The following DOCK6 variants were observed in gnomAD, a reference collection of about 807,000 sequenced individuals.
DOCK6 encodes the protein dedicator of cytokinesis 6.
In DOCK6, 167 loss-of-function variants were observed where a neutral mutation model predicts 230.3. The observed-to-expected ratio is 0.73, with a 90% CI of 0.64 to 0.82. DOCK6 has a LOEUF of 0.82. DOCK6 is among the 40% of genes least tolerant of loss of function. DOCK6 has a pLI of 0.00. For synonymous variants in DOCK6, 1,148 were observed against 1,185.0 expected, an observed-to-expected ratio of 0.97 and a Z score of 0.64; for missense variants, 2,598 against 2,825.8, an observed-to-expected ratio of 0.92 and a Z score of 1.83.
chr19:11,223,574 CTG>C (rs1483082957), intron 24 of DOCK6, among the ~76,000 whole-genome samples: 1 of 152,186 alleles, frequency 6.6e-6, no homozygotes, highest in Non-Finnish European at 1.5e-5. Flanking sequence ...TCACTTGTGA[CTG>C]TGTTGAAGCG....
At chr19:11,215,702 CAGAA>C in intron 31 of DOCK6, 95 bp downstream of exon 31, 1 of 1,580,844 alleles carries the variant, frequency 6.3e-7, no homozygotes, top group Non-Finnish European at 8.7e-7. Flanking sequence ...AAAAGTGAGG[CAGAA>C]AGTAAGCTAG....
chr19:11,230,444 T>C (rs561680372), intron 22 of DOCK6, among the ~76,000 whole-genome samples: 9 of 152,056 alleles, frequency 5.9e-5, no homozygotes, highest in African/African-American at 1.7e-4. Flanking sequence ...GGAGTGTGGA[T>C]GGAGTGGGAC....
At position 11,235,726 on chromosome 19, in the gene DOCK6, G is replaced by A. The variant is rs1274449695; in HGVS notation, c.2426C>T (p.Ala809Val). The A allele has an allele frequency of 3.1e-6, 5 of 1,598,434 alleles. No homozygotes were observed. ...NLGRGAFEAM[A>V]HVVSLVHRSL... is the part of the protein sequence containing the mutation. ...CCGGTGAACAAGGCTGACTACATGG[G>A]CCATTGCTTCAAAGGCTCCACGGCC... is the stretch of plus-strand genomic sequence containing the variant. The change falls in exon 21 of 48, where the codon GCC becomes GTC. Residue 809 changes from alanine to valine, a missense_variant. By Grantham distance (64) the Ala-to-Val change is moderately conservative. Coordinates refer to ENST00000294618, the MANE Select transcript of DOCK6 (RefSeq NM_020812.4).
intron 7 of DOCK6, among the ~76,000 whole-genome samples, chr19:11,246,539 C>T (rs1192546177): frequency 6.6e-6 from 1 of 152,158 alleles, no homozygotes; most frequent in Non-Finnish European, 1.5e-5. Context: ...GGTGGGATTA[C>T]AGGCGTGAGC....
chr19:11,254,385 G>C (rs1226410956), intron 1 of DOCK6, among the ~76,000 whole-genome samples: 1 of 152,196 alleles, frequency 6.6e-6, no homozygotes. Flanking sequence ...ACCTGGATCT[G>C]AGCAGGCCTT....
At position 11,202,218 on chromosome 19, in the gene DOCK6, T is replaced by C; in HGVS notation, c.5452-93A>G. 7.0e-7 allele frequency: 1 copy of C among 1,438,422 alleles called. No individual in the cohort carries two copies. The highest frequency in any genetic ancestry group is 9.6e-7 in the Non-Finnish European group (1 of 1,043,068). The allele number at this position is 1,438,422 out of a possible 1,614,324, so 89.1% of individuals were successfully genotyped here. On this transcript the variant is annotated intron_variant, in intron 43 of 47. Transcript: ENST00000294618. This position sits in a 1 kb window ranked among gnomAD's most constrained non-coding sequence, Gnocchi z 5.3. ...GAGAGGGGATCTGGGGACTTTGTCATTTCCAAGTCTTCCTATGTCTGGATG... is the reference window on the plus strand; with the variant it reads ...GAGAGGGGATCTGGGGACTTTGTCACTTCCAAGTCTTCCTATGTCTGGATG...
chr19:11,242,610 T>TCAAACTCC (rs1483430642), intron 13 of DOCK6, among the ~76,000 whole-genome samples: 2 of 152,002 alleles, frequency 1.3e-5, no homozygotes, highest in African/African-American at 4.8e-5. Context: ...CAGGCTGGTC[T>TCAAACTCC]CAAACTCCTG....
In DOCK6 at chr19:11,238,002, C is replaced by A. The variant is rs190273098; in HGVS notation, c.1832+43G>T. ...GTATATATAAGGGACATCCTCCTAC[C>A]CCCATGAGTGCCCCCAAGTTCCTCA... is the stretch of plus-strand genomic sequence containing the variant. On this transcript the variant is annotated intron_variant, in intron 16 of 47. Transcript: ENST00000294618. The A allele has an allele frequency of 8.7e-6, 14 of 1,606,478 alleles. No individual in the cohort carries two copies. The East Asian group carries it at 2.9e-4, about 33-fold the overall frequency.
chr19:11,200,362 G>A lies in DOCK6; in HGVS notation c.6047C>T (p.Pro2016Leu), dbSNP rs545841854. The change falls in exon 47 of 48, where the codon CCC becomes CTC. Residue 2016 changes from proline to leucine, a missense_variant. By Grantham distance (98) the Pro-to-Leu change is moderately conservative. Coordinates refer to ENST00000294618, the MANE Select transcript of DOCK6 (RefSeq NM_020812.4). The surrounding 1 kb of genome is among the most constrained non-coding windows in gnomAD (Gnocchi z 4.3). Reference sequence around the variant, plus strand: ...CTGGGGCAGGCGCTGGGTAAGCAGGGGCTGCAGAGCCTCCCGCAGGCGGCA... The same window carrying A: ...CTGGGGCAGGCGCTGGGTAAGCAGGAGCTGCAGAGCCTCCCGCAGGCGGCA... ...NYCRLREALQ[P>L]LLTQRLPQLM... 7 of 1,588,480 alleles carry A rather than the reference G, an allele frequency of 4.4e-6. No homozygotes were observed. Among genetic ancestry groups the A allele is most frequent in the Admixed American group, 3.6e-5 (2 of 56,210 alleles).
At chr19:11,227,309 TC>T in intron 24 of DOCK6, 27 bp downstream of exon 24, 3 of 1,608,060 alleles carry the variant, frequency 1.9e-6, no homozygotes, top group Non-Finnish European at 2.6e-6. Flanking sequence ...TCAGGTTTCT[TC>T]CCACATTGAG....
intron 1 of DOCK6, among the ~76,000 whole-genome samples, chr19:11,258,731 C>T (rs916986680): frequency 6.7e-6 from 1 of 148,512 alleles, no homozygotes; most frequent in African/African-American, 2.5e-5. Flanking sequence ...ACGCGCCCGG[C>T]CTATAACTAT....
intron 14 of DOCK6, chr19:11,240,350 T>G (rs890695330): frequency 2.0e-6 from 3 of 1,475,206 alleles, no homozygotes; most frequent in Non-Finnish European, 2.7e-6. Context: ...CGGCCAGAAC[T>G]CGCTTCTGCA....
chr19:11,248,092 C>T lies in DOCK6; in HGVS notation c.780G>A (p.Arg260=), dbSNP rs776332017. The T allele has an allele frequency of 1.2e-6, 2 of 1,612,624 alleles. No individual in the cohort carries two copies. Among genetic ancestry groups the T allele is most frequent in the Non-Finnish European group, 1.7e-6 (2 of 1,179,418 alleles). Residue 260 remains arginine (R), a synonymous_variant, in exon 7 of 48, where the codon AGG becomes AGA. Coordinates refer to ENST00000294618, the MANE Select transcript of DOCK6 (RefSeq NM_020812.4). ...PEPPREHFGQ[R]ILVKCLSLKF... Reference sequence around the variant, plus strand: ...TGAGCGACAGACACTTGACCAAGATCCTTTGTCCAAAGTGCTCGCGGGGTG... The same window carrying T: ...TGAGCGACAGACACTTGACCAAGATTCTTTGTCCAAAGTGCTCGCGGGGTG...
intron 1 of DOCK6, among the ~76,000 whole-genome samples, chr19:11,256,065 G>A (rs1398119507): frequency 6.6e-6 from 1 of 152,188 alleles, no homozygotes; most frequent in Non-Finnish European, 1.5e-5. Context: ...TGGGATTACA[G>A]GTGTGAGCCA....
intron 22 of DOCK6, among the ~76,000 whole-genome samples, chr19:11,229,722 G>A (rs1193505480): frequency 6.6e-6 from 1 of 151,828 alleles, no homozygotes; most frequent in Non-Finnish European, 1.5e-5. Flanking sequence ...GTGTGGGTAT[G>A]GGAGAAGAAC....
In DOCK6 at chr19:11,245,694, A is replaced by G; in HGVS notation, c.892T>C (p.Phe298Leu). Residue 298 changes from phenylalanine to leucine, a missense_variant, in exon 9 of 48, where the codon TTC becomes CTC. By Grantham distance (22) the Phe-to-Leu change is conservative (BLOSUM62 0). Transcript: ENST00000294618. ...TTCATGGAGTCCGAGTTCAGGTCGA[A>G]GTAGAAGTTCTCCGAGATCTGGGGA... is the stretch of plus-strand genomic sequence containing the variant. ...EKKKISENFYFDLNSDSMKGL... is the reference protein window; with the variant it reads ...EKKKISENFYLDLNSDSMKGL... The G allele has an allele frequency of 6.2e-7, 1 of 1,605,698 alleles. No individual in the cohort carries two copies. The highest frequency in any genetic ancestry group is 8.5e-7 in the Non-Finnish European group (1 of 1,174,994).
Position 11,222,654 on chromosome 19 carries a change from G to T in DOCK6, c.3240+81C>A. On this transcript the variant is annotated intron_variant, in intron 26 of 47. Coordinates refer to ENST00000294618, the MANE Select transcript of DOCK6 (RefSeq NM_020812.4). The surrounding 1 kb of genome is among the most constrained non-coding windows in gnomAD (Gnocchi z 4.0). ...GCAGTGGTCCACCGTGAAAGGGACA[G>T]AGATGAGGGAACCATAGGAGATGGA... 1 of 1,413,624 alleles carries T rather than the reference G, an allele frequency of 7.1e-7. No individual in the cohort carries two copies. The allele number at this position is 1,413,624 out of a possible 1,614,324, so 87.6% of individuals were successfully genotyped here.
At chr19:11,257,233 G>A (rs1402919191) in intron 1 of DOCK6, among the ~76,000 whole-genome samples, 4 of 151,578 alleles carry the variant, frequency 2.6e-5, no homozygotes, top group South Asian at 2.1e-4. Context: ...CTGACCTTCC[G>A]TGATCTTCCC....
rs1484523065 is a variant in DOCK6, at chr19:11,208,840, A to T, written c.4945-11T>A. 1.2e-6 allele frequency: 2 copies of T among 1,609,818 alleles called. No homozygotes were observed. The highest frequency in any genetic ancestry group is 3.3e-5 in the Admixed American group (2 of 59,918). On this transcript the variant is annotated splice_polypyrimidine_tract_variant and intron_variant, in intron 38 of 47. Transcript: ENST00000294618. Reference sequence around the variant, plus strand: ...GTTGGATGAGATGTTCTGGGGTGGGAGAGGTGGCGTCAGACCCTGGTCCCC... The same window carrying T: ...GTTGGATGAGATGTTCTGGGGTGGGTGAGGTGGCGTCAGACCCTGGTCCCC...
Sources: allele counts gnomAD v4.1 joint callset (sites outside exome capture counted in the v4.1 genomes callset), GRCh38; gene constraint gnomAD v4.1.1; non-coding constraint Gnocchi (gnomAD v3.1); transcripts MANE v1.5; gene names NCBI Gene and HGNC (gene_info 2026-07-23, HGNC 2026-07-21).